The following SATL1 variants were observed in gnomAD, a reference collection of about 807,000 sequenced individuals.
SATL1 encodes the protein spermidine/spermine N(1)-acetyltransferase-like protein 1.
In SATL1, 47 loss-of-function variants were observed where a neutral mutation model predicts 51.8. The ratio of observed to expected loss-of-function variants is 0.91; its 90% CI spans 0.72 to 1.16. The LOEUF (loss-of-function observed/expected upper bound fraction) is 1.16. Among genes scored for constraint, SATL1 ranks in the 50% most tolerant of loss-of-function variants. The pLI is 0.00. For missense variants in SATL1, 520 were observed against 526.4 expected, an observed-to-expected ratio of 0.99 and a Z score of 0.12; for synonymous variants, 176 against 182.4, an observed-to-expected ratio of 0.97 and a Z score of 0.28.
At chrX:85,115,810 G>A (rs901222176) in intron 2 of SATL1, among the ~76,000 whole-genome samples, 2 of 111,353 alleles carry the variant, frequency 1.8e-5, no homozygotes, top group African/African-American at 3.3e-5. Context: ...TTAGGCTTTC[G>A]CTCTGCCACT....
intron 1 of SATL1, among the ~76,000 whole-genome samples, chrX:85,237,890 T>C (rs906950165): frequency 4.5e-5 from 5 of 111,475 alleles, no homozygotes; most frequent in African/African-American, 1.6e-4. Flanking sequence ...AATTTAAAAA[T>C]GGGTCAAATA....
intron 2 of SATL1, among the ~76,000 whole-genome samples, chrX:85,152,393 G>T (rs1428841493): frequency 2.7e-5 from 3 of 111,788 alleles, no homozygotes; most frequent in African/African-American, 6.5e-5. Flanking sequence ...TTCAACCATT[G>T]TGGAAGTCAG....
chrX:85,145,537 T>G lies in SATL1; in HGVS notation c.-312-36257A>C, dbSNP rs958188573. On this transcript the variant is annotated intron_variant, in intron 2 of 7. Transcript: ENST00000644105. ...TTTTCCAGGAAGAAATCTATGAGTA[T>G]GAATAAGATATATTTGAAAAATATA... Among the ~76,000 whole-genome samples, 6 of 111,446 alleles carry G rather than the reference T, an allele frequency of 5.4e-5. No individual in the cohort carries two copies. The South Asian group carries it at 2.3e-3, about 42-fold the overall frequency.
At chrX:85,164,924 A>T (rs773799752) in intron 2 of SATL1, among the ~76,000 whole-genome samples, 12 of 110,204 alleles carry the variant, frequency 1.1e-4, no homozygotes, top group Non-Finnish European at 1.5e-4. Context: ...GGCTTTCTCC[A>T]TGTTGGTCAG....
intron 2 of SATL1, among the ~76,000 whole-genome samples, chrX:85,178,562 T>G (rs1454605525): frequency 9.3e-6 from 1 of 107,869 alleles, no homozygotes; most frequent in African/African-American, 3.4e-5. Flanking sequence ...TGTCAAAAGT[T>G]TTTGAAGGTC....
chrX:85,116,821 C>T (rs906208745), intron 2 of SATL1, among the ~76,000 whole-genome samples: 2 of 110,775 alleles, frequency 1.8e-5, no homozygotes, highest in Non-Finnish European at 3.8e-5. Flanking sequence ...ACAGCCAGCA[C>T]CAGGGAAAGG....
intron 2 of SATL1, among the ~76,000 whole-genome samples, chrX:85,114,549 C>T (rs1375489755): frequency 1.8e-5 from 2 of 111,835 alleles, no homozygotes; most frequent in Non-Finnish European, 3.8e-5. Context: ...TAAAACAAGA[C>T]AACAATTGTC....
intron 1 of SATL1, among the ~76,000 whole-genome samples, chrX:85,232,546 C>G (rs774683719): frequency 9.0e-6 from 1 of 111,380 alleles, no homozygotes; most frequent in South Asian, 3.8e-4. Flanking sequence ...TTATATTGGG[C>G]TAGAGAAAAG....
intron 3 of SATL1, among the ~76,000 whole-genome samples, chrX:85,106,906 G>A (rs1220727262): frequency 9.0e-6 from 1 of 111,182 alleles, no homozygotes; most frequent in Non-Finnish European, 1.9e-5. Context: ...ACTCCCTACC[G>A]CAAAATCCTA....
At chrX:85,205,286 T>C (rs190126331) in intron 2 of SATL1, among the ~76,000 whole-genome samples, 40 of 112,486 alleles carry the variant, frequency 3.6e-4, no homozygotes, top group Non-Finnish European at 6.2e-4. Flanking sequence ...ATGCCTACTA[T>C]ATGCCTAAAA....
chrX:85,242,527 C>T (rs779087348), intron 1 of SATL1, among the ~76,000 whole-genome samples: 18 of 112,171 alleles, frequency 1.6e-4, no homozygotes, highest in African/African-American at 5.5e-4. Flanking sequence ...AAATAAAATT[C>T]AAATGTCAGC....
intron 2 of SATL1, among the ~76,000 whole-genome samples, chrX:85,138,857 T>G (rs1413895168): frequency 8.9e-6 from 1 of 111,834 alleles, no homozygotes; most frequent in Non-Finnish European, 1.9e-5. Flanking sequence ...AATGATCCAA[T>G]GGAAAGCTGA....
chrX:85,240,432 A>C lies in SATL1; in HGVS notation c.-435+3156T>G, dbSNP rs137977128. Among the ~76,000 whole-genome samples the C allele has an allele frequency of 3.3e-4, 37 of 111,809 alleles. No individual in the cohort carries two copies. In the East Asian group the frequency reaches 5.0e-3, roughly 15 times the overall value. ...TTGCCTGGATCTGTTACATCATTGG[A>C]GGTTGTAAAATAGTGATTTTCTACA... On this transcript the variant is annotated intron_variant, in intron 1 of 7. Transcript: ENST00000644105.
intron 2 of SATL1, among the ~76,000 whole-genome samples, chrX:85,195,889 A>C (rs1927549150): frequency 1.8e-5 from 2 of 111,170 alleles, no homozygotes; most frequent in South Asian, 7.6e-4. Context: ...TGCATTTGAC[A>C]AAAGATCACT....
rs766544974 is a variant in SATL1, at chrX:85,095,701, C to T, written c.1694-705G>A. 5.3e-3 allele frequency among the ~76,000 whole-genome samples: 556 copies of T among 104,704 alleles called. 1 individual carries two copies. The highest frequency in any genetic ancestry group is 8.2e-3 in the Non-Finnish European group (416 of 51,031). 90.9% of individuals were successfully genotyped at this position (104,704 alleles called of 115,157 possible). A position where few individuals can be genotyped will look rare whatever the true frequency, so the allele number is the denominator to read the frequency against. On this transcript the variant is annotated intron_variant, in intron 4 of 7. Transcript: ENST00000644105. ...ATTAGCCGGGCGTAGTGGCGCGCGC[C>T]TGTAGTCCCAGCTACTTGGGAGGCT...
chrX:85,177,813 G>T (rs1245257133), intron 2 of SATL1, among the ~76,000 whole-genome samples: 1 of 111,269 alleles, frequency 9.0e-6, no homozygotes, highest in Non-Finnish European at 1.9e-5. Flanking sequence ...TACAGGGTGG[G>T]GGAAATTTCA....
At chrX:85,151,673 A>C (rs1926442433) in intron 2 of SATL1, among the ~76,000 whole-genome samples, 1 of 111,535 alleles carries the variant, frequency 9.0e-6, no homozygotes, top group East Asian at 2.8e-4. Flanking sequence ...CATATCTACA[A>C]CCATCTGATC....
intron 2 of SATL1, among the ~76,000 whole-genome samples, chrX:85,150,747 G>A (rs1361157573): frequency 4.6e-5 from 5 of 109,679 alleles, no homozygotes; most frequent in South Asian, 4.0e-4. Flanking sequence ...CAGAAAAGGC[G>A]TTTGACAAAA....
chrX:85,108,733 G>A lies in SATL1; in HGVS notation c.236C>T (p.Thr79Ile). The A allele has an allele frequency of 3.3e-6, 4 of 1,207,321 alleles. No individual in the cohort carries two copies. Among genetic ancestry groups the A allele is most frequent in the Non-Finnish European group, 3.4e-6 (3 of 893,007 alleles). Residue 79 changes from threonine to isoleucine, a missense_variant, in exon 3 of 8, where the codon ACA (threonine) becomes ATA (isoleucine). Coordinates refer to ENST00000644105, the MANE Select transcript of SATL1 (RefSeq NM_001367857.2). ...INQPDMKQPDTWQLGRSQPGM... is the reference protein window; with the variant it reads ...INQPDMKQPDIWQLGRSQPGM... Reference sequence around the variant, plus strand: ...TGGTTGGCTCCTACCTAATTGCCATGTGTCTGGTTGTTTCATGTCGGGTTG... The same window carrying A: ...TGGTTGGCTCCTACCTAATTGCCATATGTCTGGTTGTTTCATGTCGGGTTG...
Sources: allele counts gnomAD v4.1 joint callset (sites outside exome capture counted in the v4.1 genomes callset), GRCh38; gene constraint gnomAD v4.1.1; transcripts MANE v1.5; gene names NCBI Gene and HGNC (gene_info 2026-07-23, HGNC 2026-07-21).